The following DEF8 variants were observed in gnomAD, a reference collection of about 807,000 sequenced individuals.
DEF8 encodes DEF-8.
In DEF8, 38 loss-of-function variants were observed where a neutral mutation model predicts 59.1. The ratio of observed to expected loss-of-function variants is 0.64; its 90% CI spans 0.50 to 0.84. The LOEUF (loss-of-function observed/expected upper bound fraction) is 0.84, where lower values mean the gene tolerates loss of function less well. DEF8 is among the 40% of genes least tolerant of loss of function. DEF8 has a pLI of 0.00. For missense variants in DEF8, 557 were observed against 615.2 expected (o/e 0.91, Z 1.00); for synonymous variants, 265 against 250.1 (o/e 1.06, Z -0.56).
Position 89,962,047 on chromosome 16 carries a change from G to A in DEF8, c.843G>A (p.Met281Ile). The A allele has an allele frequency of 6.2e-7, 1 of 1,614,092 alleles. No homozygotes were observed. Among genetic ancestry groups the A allele is most frequent in the Non-Finnish European group, 8.5e-7 (1 of 1,180,004 alleles). Reference protein sequence around the residue: ...SRCSMRYLALMVSRPVLRLRE... With the variant: ...SRCSMRYLALIVSRPVLRLRE... Reference sequence around the variant, plus strand: ...GCAGCATGCGCTACCTGGCGCTGATGGTGTCTCGGCCCGTACTCAGGCTCC... The same window carrying A: ...GCAGCATGCGCTACCTGGCGCTGATAGTGTCTCGGCCCGTACTCAGGCTCC... The change falls in exon 9 of 13, where the codon ATG becomes ATA. Residue 281 changes from methionine (M) to isoleucine (I), a missense_variant. Transcript: ENST00000563594.
chr16:89,950,389 G>C, intron 2 of DEF8: 1 of 891,880 alleles, frequency 1.1e-6, no homozygotes, highest in South Asian at 5.2e-5. Flanking sequence ...AATCAGGGCT[G>C]ATTTTTTTTT....
At chr16:89,964,060 T>C in intron 10 of DEF8, 110 bp from the exon 11 acceptor site, 2 of 1,428,522 alleles carry the variant, frequency 1.4e-6, no homozygotes, top group Non-Finnish European at 2.0e-6. Context: ...GACCCTTGTG[T>C]AGCTCGTTTC....
At chr16:89,949,186 G>C (rs1355311099) in intron 1 of DEF8, among the ~76,000 whole-genome samples, 1 of 151,490 alleles carries the variant, frequency 6.6e-6, no homozygotes, top group African/African-American at 2.4e-5. Flanking sequence ...CCCCACCCCG[G>C]GGACGCCGCC....
rs1274647577 is a variant in DEF8 at position 89,967,567 on chromosome 16, G to C, written c.*1604G>C. 5 of 398,006 alleles carry C rather than the reference G, an allele frequency of 1.3e-5. No homozygotes were observed. Among genetic ancestry groups the C allele is most frequent in the Non-Finnish European group, 2.2e-5 (5 of 226,070 alleles). The allele number at this position is 398,006 out of a possible 1,614,324, so 24.7% of individuals were successfully genotyped here. A position where few individuals can be genotyped will look rare whatever the true frequency, so the allele number is the denominator to read the frequency against. On this transcript the variant is annotated 3_prime_UTR_variant, in exon 13 of 13. Coordinates refer to ENST00000563594, the MANE Select transcript of DEF8 (RefSeq NM_001242818.2). ...CGGAGTCCTTCAGAGAATGTGATGT[G>C]AGGTTGGATCAACAGTGTGGGTTCC...
chr16:89,956,327 G>T (rs2033189223), intron 4 of DEF8, among the ~76,000 whole-genome samples: 1 of 151,712 alleles, frequency 6.6e-6, no homozygotes, highest in Admixed American at 6.6e-5. Flanking sequence ...GGGCATAGTG[G>T]AGCGCCCCTG....
Position 89,957,451 on chromosome 16 carries a change from C to T in DEF8, c.223-60C>T, listed in dbSNP as rs555306507. The T allele has an allele frequency of 2.1e-5, 32 of 1,523,374 alleles. 1 individual carries two copies. The South Asian group carries it at 3.7e-4, about 18-fold the overall frequency. The allele number at this position is 1,523,374 out of a possible 1,614,324, so 94.4% of individuals were successfully genotyped here. ...CTCTGGGCCTGTCTCGGCGGATGGG[C>T]CTTAACAGGGAGCTCCTGCAGGATG... On this transcript the variant is annotated intron_variant, in intron 4 of 12. Transcript: ENST00000563594.
chr16:89,951,361 C>T (rs1319018097), intron 2 of DEF8, among the ~76,000 whole-genome samples: 1 of 152,058 alleles, frequency 6.6e-6, no homozygotes, highest in African/African-American at 2.4e-5. Context: ...TCTCCTGCCT[C>T]AGCCTCCCAA....
chr16:89,967,709 A>G lies in DEF8; in HGVS notation c.*1746A>G, dbSNP rs62052244. The G allele has an allele frequency of 0.073, 27,827 of 382,876 alleles. 1,306 individuals carry two copies. The highest frequency in any genetic ancestry group is 0.15 in the East Asian group (3,957 of 26,700). The allele number at this position is 382,876 out of a possible 1,614,324, so 23.7% of individuals were successfully genotyped here. On this transcript the variant is annotated 3_prime_UTR_variant, in exon 13 of 13. Coordinates refer to ENST00000563594, the MANE Select transcript of DEF8 (RefSeq NM_001242818.2). ...AATGCATCACATTTCTGTCATATGG[A>G]TATTAGCCATTCCGAAATCTGTGTA...
intron 2 of DEF8, among the ~76,000 whole-genome samples, chr16:89,951,459 G>C (rs1339889712): frequency 6.6e-6 from 1 of 152,104 alleles, no homozygotes; most frequent in African/African-American, 2.4e-5. Context: ...TGGCCAGGCT[G>C]GTCTCGAACT....
At chr16:89,953,749 T>C (rs2032626148) in intron 2 of DEF8, among the ~76,000 whole-genome samples, 1 of 152,158 alleles carries the variant, frequency 6.6e-6, no homozygotes, top group Admixed American at 6.5e-5. Context: ...ACAGGGGCTG[T>C]GGTTTCAGGG....
Position 89,961,052 on chromosome 16 carries a change from C to G in DEF8, c.636C>G (p.Ser212Arg). 6.2e-7 allele frequency: 1 copy of G among 1,614,060 alleles called. No individual in the cohort carries two copies. The highest frequency in any genetic ancestry group is 8.5e-7 in the Non-Finnish European group (1 of 1,179,978). Residue 212 changes from serine (S) to arginine (R), a missense_variant, in exon 7 of 13, where the codon AGC (serine) becomes AGG (arginine). Transcript: ENST00000563594. Reference sequence around the variant, plus strand: ...TCTGCCCTGAGACAGGGCTGGACAGCCAGGATTACCGCTGTGCCGAGTGCC... The same window carrying G: ...TCTGCCCTGAGACAGGGCTGGACAGGCAGGATTACCGCTGTGCCGAGTGCC... ...LNICPETGLDSQDYRCAECRA... is the reference protein window; with the variant it reads ...LNICPETGLDRQDYRCAECRA...
chr16:89,951,495 T>G (rs1409725090), intron 2 of DEF8, among the ~76,000 whole-genome samples: 1 of 152,160 alleles, frequency 6.6e-6, no homozygotes, highest in Admixed American at 6.5e-5. Flanking sequence ...TCAGCCCACT[T>G]CTGCTTCCCA....
chr16:89,963,829 A>G, intron 10 of DEF8: 2 of 490,280 alleles, frequency 4.1e-6, no homozygotes, highest in Non-Finnish European at 7.5e-6. Flanking sequence ...TAGGGAAGAC[A>G]AGAAAAATAC....
chr16:89,949,328 C>G, intron 1 of DEF8, 89 bp from the exon 2 acceptor site: 2 of 1,090,528 alleles, frequency 1.8e-6, no homozygotes, highest in Non-Finnish European at 2.6e-6. Flanking sequence ...GTGGGAGAGA[C>G]CTGCCCCCGA....
In DEF8 at chr16:89,954,890, G is replaced by A. The variant is rs1380663969; in HGVS notation, c.125-279G>A. ...CATGAGGTGTCCACCTTAGAAATGG[G>A]ATGTCTCTATAATGCTGTCTTGAGG... On this transcript the variant is annotated intron_variant, in intron 3 of 12. Transcript: ENST00000563594. The surrounding 1 kb of genome is among the most constrained non-coding windows in gnomAD (Gnocchi z 4.3). Among the ~76,000 whole-genome samples the A allele has an allele frequency of 6.6e-6, 1 of 152,174 alleles. No individual in the cohort carries two copies. Among genetic ancestry groups the A allele is most frequent in the African/African-American group, 2.4e-5 (1 of 41,446 alleles).
chr16:89,961,743 T>C lies in DEF8; in HGVS notation c.686T>C (p.Val229Ala). 6.2e-7 allele frequency: 1 copy of C among 1,613,308 alleles called. No homozygotes were observed. Among genetic ancestry groups the C allele is most frequent in the East Asian group, 2.2e-5 (1 of 44,868 alleles). ...GGCCCCTCTGACCCTGCAGGGGGTGTGCCCAGTGAGGCCAGGCAGTGCGAC... is the reference window on the plus strand; with the variant it reads ...GGCCCCTCTGACCCTGCAGGGGGTGCGCCCAGTGAGGCCAGGCAGTGCGAC... Reference protein sequence around the residue: ...ECRAPISLRGVPSEARQCDYT... With the variant: ...ECRAPISLRGAPSEARQCDYT... Residue 229 changes from valine (V) to alanine (A), a missense_variant, in exon 8 of 13, where the codon GTG becomes GCG. Transcript: ENST00000563594.
chr16:89,963,635 C>T (rs971876410), intron 10 of DEF8, among the ~76,000 whole-genome samples, 192 bp downstream of exon 10: 1 of 152,182 alleles, frequency 6.6e-6, no homozygotes, highest in Non-Finnish European at 1.5e-5. Context: ...TTCCGTTTGG[C>T]AAACCCTGCA....
intron 11 of DEF8, 56 bp downstream of exon 11, chr16:89,964,366 G>A (rs1421935383): frequency 3.2e-6 from 5 of 1,540,774 alleles, no homozygotes; most frequent in Non-Finnish European, 4.4e-6. Context: ...GGGGGGATTG[G>A]CAGGAGAAGC....
chr16:89,963,418 C>T lies in DEF8; in HGVS notation c.977C>T (p.Ala326Val), dbSNP rs2034283170. 6.2e-7 allele frequency: 1 copy of T among 1,613,804 alleles called. No individual in the cohort carries two copies. The highest frequency in any genetic ancestry group is 8.5e-7 in the Non-Finnish European group (1 of 1,179,824). The change falls in exon 10 of 13, where the codon GCC becomes GTC. Residue 326 changes from alanine to valine, a missense_variant. Transcript: ENST00000563594. ...CCGTACTTCATCACCTGCAGGGAGG[C>T]CATGGAGGCTCGTCTGCTGCTGCAG... ...MKPYFITCRE[A>V]MEARLLLQLQ...
Sources: allele counts gnomAD v4.1 joint callset (sites outside exome capture counted in the v4.1 genomes callset), GRCh38; gene constraint gnomAD v4.1.1; non-coding constraint Gnocchi (gnomAD v3.1); transcripts MANE v1.5; gene names NCBI Gene and HGNC (gene_info 2026-07-23, HGNC 2026-07-21).